Variants in CLDN14 observed in about 807,000 individuals in gnomAD.
CLDN14 encodes the protein claudin-14.
A neutral mutation model predicts 2.1 loss-of-function variants in CLDN14; 2 were observed. The ratio of observed to expected loss-of-function variants is 0.96; its 90% CI spans 0.39 to 3.01. The LOEUF (loss-of-function observed/expected upper bound fraction) is 3.01. CLDN14 is among the 30% of genes most tolerant of loss of function. The pLI is 0.09. For synonymous variants in CLDN14, 136 were observed against 154.4 expected, an observed-to-expected ratio of 0.88 and a Z score of 0.88; for missense variants, 298 against 328.0, an observed-to-expected ratio of 0.91 and a Z score of 0.71.
At chr21:36,502,825 T>C (rs1227012309) in intron 2 of CLDN14, among the ~76,000 whole-genome samples, 1 of 152,210 alleles carries the variant, frequency 6.6e-6, no homozygotes, top group East Asian at 1.9e-4. Flanking sequence ...TACTAAAACA[T>C]CTATGTAATC....
At chr21:36,470,752 T>C (rs1381807548) in intron 1 of CLDN14, among the ~76,000 whole-genome samples, 1 of 152,028 alleles carries the variant, frequency 6.6e-6, no homozygotes, top group African/African-American at 2.4e-5. Flanking sequence ...GGTGGGAGGA[T>C]CACTTGAGCT....
chr21:36,569,169 G>T (rs1281544516), intron 1 of CLDN14, among the ~76,000 whole-genome samples: 2 of 152,244 alleles, frequency 1.3e-5, no homozygotes, highest in Non-Finnish European at 2.9e-5. Context: ...AGTGATCCCA[G>T]CACTTTGGGA....
At chr21:36,539,356 TGAGTGTATGTGCGGAGTGA>T (rs2087459576) in intron 1 of CLDN14, among the ~76,000 whole-genome samples, 1 of 141,912 alleles carries the variant, frequency 7.0e-6, no homozygotes. Context: ...GTGTGTGGAG[TGAGTGTATGTGCGGAGTGA>T]GTGTGTGTGG....
At chr21:36,462,911 C>A (rs1397665489) in intron 1 of CLDN14, among the ~76,000 whole-genome samples, 1 of 149,400 alleles carries the variant, frequency 6.7e-6, no homozygotes, top group Non-Finnish European at 1.5e-5. Flanking sequence ...GAGTAAGACT[C>A]CGTCTCAAAA....
chr21:36,525,515 C>T (rs1034045807), intron 1 of CLDN14, among the ~76,000 whole-genome samples: 10 of 152,118 alleles, frequency 6.6e-5, no homozygotes, highest in African/African-American at 2.4e-4. Flanking sequence ...CAAGGAGCCC[C>T]TCAGCCACAA....
chr21:36,575,530 A>G (rs1235000818), intron 1 of CLDN14, among the ~76,000 whole-genome samples: 2 of 152,144 alleles, frequency 1.3e-5, no homozygotes, highest in Non-Finnish European at 2.9e-5. Context: ...TCGCAATGTC[A>G]TGCAACCTCA....
chr21:36,562,633 T>A (rs1316227898), intron 1 of CLDN14, among the ~76,000 whole-genome samples: 1 of 152,136 alleles, frequency 6.6e-6, no homozygotes, highest in Non-Finnish European at 1.5e-5. Context: ...TTTTTAATAA[T>A]CTCTAAAGAA....
chr21:36,541,898 C>T (rs1001435045), intron 1 of CLDN14, among the ~76,000 whole-genome samples: 1 of 152,142 alleles, frequency 6.6e-6, no homozygotes, highest in Non-Finnish European at 1.5e-5. Flanking sequence ...TTGTTACCCC[C>T]CCCCAATCAT....
chr21:36,485,450 C>G (rs1201005630), intron 2 of CLDN14, among the ~76,000 whole-genome samples: 1 of 152,184 alleles, frequency 6.6e-6, no homozygotes, highest in Non-Finnish European at 1.5e-5. Context: ...CTCAAGTGAT[C>G]CACCCGCCTC....
At chr21:36,555,802 G>T (rs2087594339) in intron 1 of CLDN14, among the ~76,000 whole-genome samples, 1 of 108,860 alleles carries the variant, frequency 9.2e-6, no homozygotes, top group Non-Finnish European at 2.0e-5. Context: ...ATTTTCTATA[G>T]GTCAGTGTGT....
At position 36,499,989 on chromosome 21, in the gene CLDN14, C is replaced by T. The variant is rs183194583; in HGVS notation, c.-82+10374G>A. On this transcript the variant is annotated intron_variant, in intron 2 of 2. Coordinates refer to the CLDN14 transcript ENST00000342108. The surrounding 1 kb of genome is among the most constrained non-coding windows in gnomAD (Gnocchi z 4.7). ...TCTACCTGTCTTCCAATGCGAGTCC[C>T]GCGAGGTGAAGAATTAGAGCATGTT... 4.8e-3 allele frequency among the ~76,000 whole-genome samples: 731 copies of T among 151,448 alleles called. 7 individuals are homozygous for T. Among genetic ancestry groups the T allele is most frequent in the African/African-American group, 0.017 (686 of 41,300 alleles).
At chr21:36,570,818 T>C (rs1042702651) in intron 1 of CLDN14, among the ~76,000 whole-genome samples, 1 of 152,152 alleles carries the variant, frequency 6.6e-6, no homozygotes, top group Non-Finnish European at 1.5e-5. Flanking sequence ...TATTTTAAAA[T>C]GAAAACTTCT....
In CLDN14 at chr21:36,461,280, G is replaced by A; in HGVS notation, c.416C>T (p.Thr139Ile). The A allele has an allele frequency of 6.2e-7, 1 of 1,613,838 alleles. No individual in the cohort carries two copies. The highest frequency in any genetic ancestry group is 8.5e-7 in the Non-Finnish European group (1 of 1,180,026). The stretch of plus-strand genomic sequence containing the variant: ...GAAGTTCTGCACCACGTCGTTGGTG[G>A]TCCAGGAGACGGCCACCATGCACAG... ...GLLCMVAVSWTTNDVVQNFYN... is the reference protein window; with the variant it reads ...GLLCMVAVSWITNDVVQNFYN... Residue 139 changes from threonine (T) to isoleucine (I), a missense_variant, in exon 2 of 2, where the codon ACC (threonine) becomes ATC (isoleucine). By Grantham distance (89) the Thr-to-Ile change is moderately conservative. Transcript: ENST00000399135.
chr21:36,463,155 G>A (rs180745041), intron 1 of CLDN14, among the ~76,000 whole-genome samples: 40 of 152,344 alleles, frequency 2.6e-4, no homozygotes, highest in Admixed American at 2.2e-3. Flanking sequence ...CCGGGCATTA[G>A]CAGCGAGCAT....
chr21:36,462,756 C>T (rs1185590214), intron 1 of CLDN14, among the ~76,000 whole-genome samples: 3 of 151,822 alleles, frequency 2.0e-5, no homozygotes, highest in Non-Finnish European at 2.9e-5. Flanking sequence ...ATGGTGAAAC[C>T]CCGTCTCTAC....
At chr21:36,523,799 GAAA>G (rs2087297062) in intron 1 of CLDN14, among the ~76,000 whole-genome samples, 1 of 125,918 alleles carries the variant, frequency 7.9e-6, no homozygotes, top group South Asian at 2.7e-4. Flanking sequence ...AAGAAAGAAA[GAAA>G]GAAAGAAAGA....
At chr21:36,493,064 G>A (rs959631588) in intron 2 of CLDN14, among the ~76,000 whole-genome samples, 1 of 152,218 alleles carries the variant, frequency 6.6e-6, no homozygotes, top group Non-Finnish European at 1.5e-5. Context: ...ACCATGAGCA[G>A]GACAGAACCA....
rs531186861 is a variant in CLDN14, at chr21:36,498,154, C to T, written c.-82+12209G>A. ...TAGCTGGGATTACAGGCACCCACCA[C>T]CATGCCCAGCTAATTTTTGTATTCT... On this transcript the variant is annotated intron_variant, in intron 2 of 2. Transcript: ENST00000342108. The surrounding 1 kb of genome is among the most constrained non-coding windows in gnomAD (Gnocchi z 4.9). Among the ~76,000 whole-genome samples the T allele has an allele frequency of 6.6e-6, 1 of 151,820 alleles. No homozygotes were observed. The highest frequency in any genetic ancestry group is 1.5e-5 in the Non-Finnish European group (1 of 68,022).
At chr21:36,573,676 G>A (rs2087724227) in intron 1 of CLDN14, among the ~76,000 whole-genome samples, 1 of 152,016 alleles carries the variant, frequency 6.6e-6, no homozygotes, top group South Asian at 2.1e-4. Context: ...AAAAATCTAT[G>A]AATCTACAAA....
Sources: gnomAD v4.1 joint callset for allele counts (sites outside exome capture counted in the v4.1 genomes callset) on GRCh38, gnomAD v4.1.1 for gene constraint, Gnocchi (gnomAD v3.1) non-coding constraint, MANE v1.5 for transcripts, NCBI Gene and HGNC (gene_info 2026-07-23, HGNC 2026-07-21) for gene names.